The following FBXW7 variants were observed in gnomAD, a reference collection of about 807,000 sequenced individuals.
FBXW7 encodes the protein F-box and WD repeat domain containing 7.
A neutral mutation model predicts 86.3 loss-of-function variants in FBXW7; 11 were observed. That is an observed-to-expected ratio of 0.13 (90% CI 0.08 to 0.21). The LOEUF is 0.21. Among genes scored for constraint, FBXW7 ranks in the 10% least tolerant of loss-of-function variants. The pLI, the probability that FBXW7 is intolerant of heterozygous loss-of-function variation, is 1.00. For missense variants in FBXW7, 488 were observed against 847.4 expected (o/e 0.58, Z 5.27); for synonymous variants, 313 against 297.9 (o/e 1.05, Z -0.52).
chr4:152,385,188 C>A (rs1332501845), intron 4 of FBXW7, among the ~76,000 whole-genome samples: 5 of 151,932 alleles, frequency 3.3e-5, no homozygotes, highest in South Asian at 4.1e-4. Context: ...CCCTGAATTT[C>A]TTTTCCTGAA....
chr4:152,411,642 T>C lies in FBXW7; in HGVS notation c.162A>G (p.Ala54=), dbSNP rs2126880964. The C allele has an allele frequency of 1.9e-6, 3 of 1,614,036 alleles. No homozygotes were observed. The South Asian group carries it at 3.3e-5, about 18-fold the overall frequency. ...CTACTCCAACAACTTCACCATTCCT[T>C]GCAGTGTGCTCCTCCTCTTGTTGTC... ...QLRQQEEEHT[A]RNGEVVGVEP... Residue 54 remains alanine, a synonymous_variant, in exon 4 of 14, where the codon GCA becomes GCG. Transcript: ENST00000281708.
At chr4:152,522,297 C>A (rs1469085164) in intron 2 of FBXW7, among the ~76,000 whole-genome samples, 1 of 152,166 alleles carries the variant, frequency 6.6e-6, no homozygotes, top group Non-Finnish European at 1.5e-5. Context: ...GGAACCTTTT[C>A]TCAGTTTCTG....
At chr4:152,397,695 C>CAGAAAAAAAA (rs1736538365) in intron 4 of FBXW7, among the ~76,000 whole-genome samples, 1 of 60,406 alleles carries the variant, frequency 1.7e-5, no homozygotes, top group African/African-American at 5.6e-5. Flanking sequence ...CCTAAGAAGC[C>CAGAAAAAAAA]AAAAAAAAAA....
rs545051964 is a variant in FBXW7, at chr4:152,401,787, A to T, written c.501+9516T>A. On this transcript the variant is annotated intron_variant, in intron 4 of 13. Coordinates refer to ENST00000281708, the MANE Select transcript of FBXW7 (RefSeq NM_001349798.2). Reference sequence around the variant, plus strand: ...TGTGTGCACCAGGGGGCATATGGGAACTCTCTAGGCCTCTCATTCAACTTT... The same window carrying T: ...TGTGTGCACCAGGGGGCATATGGGATCTCTCTAGGCCTCTCATTCAACTTT... Among the ~76,000 whole-genome samples, 9 of 152,310 alleles carry T rather than the reference A, an allele frequency of 5.9e-5. No homozygotes were observed. The South Asian group carries it at 1.9e-3, about 32-fold the overall frequency.
rs530518414 is a variant in FBXW7 at position 152,484,298 on chromosome 4, T to C, written c.-120+50643A>G. ...AATGATAAATATCAAATATACAAAA[T>C]GAAAAATCAAGATTCTTATTAAAGA... On this transcript the variant is annotated intron_variant, in intron 2 of 13. Coordinates refer to ENST00000281708, the MANE Select transcript of FBXW7 (RefSeq NM_001349798.2). 1.7e-3 allele frequency among the ~76,000 whole-genome samples: 258 copies of C among 152,146 alleles called. No homozygotes were observed. The Middle Eastern group carries it at 0.017, about 10-fold the overall frequency.
chr4:152,330,116 T>C (rs917706150), intron 9 of FBXW7, among the ~76,000 whole-genome samples: 5 of 151,760 alleles, frequency 3.3e-5, no homozygotes, highest in African/African-American at 1.2e-4. Flanking sequence ...TTTTACAACT[T>C]TGACACACAA....
intron 2 of FBXW7, among the ~76,000 whole-genome samples, chr4:152,424,198 G>A (rs1338885074): frequency 2.0e-5 from 3 of 152,050 alleles, no homozygotes. Context: ...TGTACATTGG[G>A]ATTCGGCAGT....
intron 4 of FBXW7, among the ~76,000 whole-genome samples, chr4:152,380,649 C>G (rs560106575): frequency 2.0e-5 from 3 of 151,978 alleles, no homozygotes; most frequent in African/African-American, 7.2e-5. Context: ...TCTCCTATGT[C>G]TTTTAAACTT....
intron 2 of FBXW7, among the ~76,000 whole-genome samples, chr4:152,503,309 T>C (rs1337594104): frequency 2.0e-5 from 3 of 152,096 alleles, no homozygotes; most frequent in Non-Finnish European, 4.4e-5. Flanking sequence ...CTCGCTCTGT[T>C]GCCCTGGCTG....
rs765684698 is a variant in FBXW7, at chr4:152,348,643, C to G, written c.584+1399G>C. The G allele has an allele frequency of 1.8e-5, 14 of 761,930 alleles. No individual in the cohort carries two copies. In the East Asian group the frequency reaches 1.3e-3, roughly 73 times the overall value. The allele number at this position is 761,930 out of a possible 1,614,324, so 47.2% of individuals were successfully genotyped here. A position where few individuals can be genotyped will look rare whatever the true frequency, so the allele number is the denominator to read the frequency against. On this transcript the variant is annotated intron_variant, in intron 5 of 13. Coordinates refer to ENST00000281708, the MANE Select transcript of FBXW7 (RefSeq NM_001349798.2). Reference sequence around the variant, plus strand: ...AAATTCAGCACTCATTTATTCTAAGCTGCCTTAAAAACAAGTGAACAATGT... The same window carrying G: ...AAATTCAGCACTCATTTATTCTAAGGTGCCTTAAAAACAAGTGAACAATGT...
chr4:152,461,269 A>AAATAT (rs1410687977), intron 2 of FBXW7, among the ~76,000 whole-genome samples: 1 of 152,148 alleles, frequency 6.6e-6, no homozygotes, highest in Admixed American at 6.5e-5. Flanking sequence ...AAATAAAATA[A>AAATAT]AATATAATAT....
chr4:152,493,935 T>C (rs1234383824), intron 2 of FBXW7, among the ~76,000 whole-genome samples: 1 of 152,204 alleles, frequency 6.6e-6, no homozygotes, highest in Non-Finnish European at 1.5e-5. Context: ...AAGCAAATAC[T>C]ATTACAGTGG....
chr4:152,337,257 G>A (rs1309212203), intron 7 of FBXW7, among the ~76,000 whole-genome samples: 1 of 151,808 alleles, frequency 6.6e-6, no homozygotes, highest in South Asian at 2.1e-4. Flanking sequence ...TAATGGAGAT[G>A]GGGAGGAGAA....
chr4:152,447,343 A>C (rs1579225847), intron 2 of FBXW7, among the ~76,000 whole-genome samples: 1 of 152,316 alleles, frequency 6.6e-6, no homozygotes, highest in East Asian at 1.9e-4. Context: ...TATGTGGTGG[A>C]GTCTGTATAA....
At chr4:152,470,610 T>C (rs1279195275) in intron 2 of FBXW7, among the ~76,000 whole-genome samples, 1 of 152,152 alleles carries the variant, frequency 6.6e-6, no homozygotes, top group East Asian at 1.9e-4. Context: ...AAATCAATTT[T>C]ACTATTTACA....
At chr4:152,483,753 GCA>G (rs924087691) in intron 2 of FBXW7, among the ~76,000 whole-genome samples, 4 of 151,698 alleles carry the variant, frequency 2.6e-5, no homozygotes, top group Admixed American at 6.6e-5. Context: ...GTGTGTGTGT[GCA>G]CACACACACT....
intron 2 of FBXW7, among the ~76,000 whole-genome samples, chr4:152,416,906 T>C (rs79472673): frequency 0.016 from 2,439 of 152,266 alleles, 75 homozygotes; most frequent in African/African-American, 0.056. Context: ...TACTCCATAA[T>C]AACTAAATTT....
chr4:152,484,773 C>T (rs1336673472), intron 2 of FBXW7, among the ~76,000 whole-genome samples: 1 of 152,010 alleles, frequency 6.6e-6, no homozygotes, highest in Non-Finnish European at 1.5e-5. Flanking sequence ...ACCAGCCTGG[C>T]CAACATGGCG....
intron 2 of FBXW7, among the ~76,000 whole-genome samples, chr4:152,435,344 G>T (rs1394881667): frequency 4.0e-5 from 6 of 151,802 alleles, no homozygotes; most frequent in Non-Finnish European, 7.4e-5. Flanking sequence ...TTTGTATAAC[G>T]GCCCTTAATT....
Sources: gnomAD v4.1 joint callset for allele counts (sites outside exome capture counted in the v4.1 genomes callset) on GRCh38, gnomAD v4.1.1 for gene constraint, MANE v1.5 for transcripts, NCBI Gene and HGNC (gene_info 2026-07-23, HGNC 2026-07-21) for gene names.